The following PIEZO1 variants were observed in gnomAD, a reference collection of about 807,000 sequenced individuals.
The protein encoded by PIEZO1 is piezo-type mechanosensitive ion channel component 1.
A neutral mutation model predicts 297.2 loss-of-function variants in PIEZO1; 296 were observed. The observed-to-expected ratio is 1.00, with a 90% CI of 0.91 to 1.10. The LOEUF (loss-of-function observed/expected upper bound fraction) is 1.10, where lower values mean the gene tolerates loss of function less well. Ranked by LOEUF, PIEZO1 falls within the 50% of genes least tolerant of loss-of-function variation. PIEZO1 has a pLI of 0.00. For synonymous variants in PIEZO1, 2,427 were observed against 1,507.5 expected, an observed-to-expected ratio of 1.61 and a Z score of -14.13; for missense variants, 5,018 against 3,455.5, an observed-to-expected ratio of 1.45 and a Z score of -11.34.
rs538983076 is a variant in PIEZO1, at chr16:88,716,290, G to T, written c.7050-13C>A. ...ATTAGGGATGACCCTGCAGGGAGGTGCTGGCAGGTCAGGCCTGGCCCAGCC... is the reference window on the plus strand; with the variant it reads ...ATTAGGGATGACCCTGCAGGGAGGTTCTGGCAGGTCAGGCCTGGCCCAGCC... On this transcript the variant is annotated splice_polypyrimidine_tract_variant and intron_variant, in intron 48 of 50. Coordinates refer to ENST00000301015, the MANE Select transcript of PIEZO1 (RefSeq NM_001142864.4). 2 of 1,489,164 alleles carry T rather than the reference G, an allele frequency of 1.3e-6. No individual in the cohort carries two copies. Among genetic ancestry groups the T allele is most frequent in the African/African-American group, 2.8e-5 (2 of 71,674 alleles). The allele number at this position is 1,489,164 out of a possible 1,614,324, so 92.2% of individuals were successfully genotyped here.
chr16:88,764,017 C>T (rs534947629), intron 1 of PIEZO1, among the ~76,000 whole-genome samples: 31 of 152,180 alleles, frequency 2.0e-4, no homozygotes, highest in African/African-American at 7.2e-4. Context: ...CTCCTGGGGG[C>T]CAAAGTGCAC....
At position 88,725,426 on chromosome 16, in the gene PIEZO1, G is replaced by A. The variant is rs1179185028; in HGVS notation, c.4152C>T (p.Gly1384=). ...PQDTLGPKDP[G]LEPGPDSPGG... is the part of the protein sequence containing the mutation. ...TCCAGCTGCACTCACCTGGCTCCAG[G>A]CCGGGGTCCTTGGGGCCCAGGGTGT... The change falls in exon 29 of 51, where the codon GGC becomes GGT. Residue 1384 remains glycine, a synonymous_variant. Transcript: ENST00000301015. 2.1e-6 allele frequency: 3 copies of A among 1,459,828 alleles called. No homozygotes were observed. Among genetic ancestry groups the A allele is most frequent in the South Asian group, 1.4e-5 (1 of 70,442 alleles). The allele number at this position is 1,459,828 out of a possible 1,614,324, so 90.4% of individuals were successfully genotyped here.
rs931735080 is a variant in PIEZO1, at chr16:88,741,268, G to C, written c.465+210C>G. 5.8e-6 allele frequency: 3 copies of C among 521,380 alleles called. No individual in the cohort carries two copies. The Admixed American group carries it at 1.0e-4, about 18-fold the overall frequency. 32.3% of individuals were successfully genotyped at this position (521,380 alleles called of 1,614,324 possible). On this transcript the variant is annotated intron_variant, in intron 5 of 50. Transcript: ENST00000301015. Reference sequence around the variant, plus strand: ...GTCGGGGCGTGGAGGTTTCTGACTAGAGGCAGAGCCCGAGTAGAAACAGGT... The same window carrying C: ...GTCGGGGCGTGGAGGTTTCTGACTACAGGCAGAGCCCGAGTAGAAACAGGT...
chr16:88,762,613 CCAAGG>C (rs1456364636), intron 1 of PIEZO1, among the ~76,000 whole-genome samples: 1 of 152,202 alleles, frequency 6.6e-6, no homozygotes, highest in Non-Finnish European at 1.5e-5. Flanking sequence ...CCCGTGGCAG[CCAAGG>C]CAAGGAAGGG....
intron 19 of PIEZO1, 176 bp from the exon 20 acceptor site, chr16:88,732,908 A>C (rs975110952): frequency 3.1e-6 from 2 of 649,054 alleles, no homozygotes; most frequent in Non-Finnish European, 5.3e-6. Flanking sequence ...TTTGAGAAAC[A>C]GGGAGACCAC....
At position 88,737,997 on chromosome 16, in the gene PIEZO1, G is replaced by C. The variant is rs757226546; in HGVS notation, c.957C>G (p.Leu319=). The part of the protein sequence containing the change: ...DWPVYASPGV[L]LLLCYATASL... ...AGGCCGTGGCGTAGCACAGCAGCAG[G>C]AGGACGCCGGGGCTGGCATACACAG... The change falls in exon 8 of 51, where the codon CTC becomes CTG. Residue 319 remains leucine (L), a synonymous_variant. Transcript: ENST00000301015. The C allele has an allele frequency of 6.5e-7, 1 of 1,535,388 alleles. No homozygotes were observed. Among genetic ancestry groups the C allele is most frequent in the South Asian group, 1.2e-5 (1 of 84,020 alleles).
intron 3 of PIEZO1, 96 bp from the exon 4 acceptor site, chr16:88,742,191 A>G: frequency 1.3e-6 from 2 of 1,505,990 alleles, no homozygotes; most frequent in South Asian, 2.5e-5. Context: ...CATCCAGGCC[A>G]GACATAAATC....
intron 1 of PIEZO1, among the ~76,000 whole-genome samples, chr16:88,756,464 G>C (rs1230709883): frequency 6.6e-6 from 1 of 152,220 alleles, no homozygotes; most frequent in African/African-American, 2.4e-5. Flanking sequence ...TACAAAACTG[G>C]TGGCTGGGGC....
chr16:88,757,959 G>T (rs570398086), intron 1 of PIEZO1, among the ~76,000 whole-genome samples: 159 of 152,280 alleles, frequency 1.0e-3, no homozygotes, highest in African/African-American at 3.7e-3. Flanking sequence ...CCACAGAAAG[G>T]CCTGGCTGGA....
rs1912466207 is a variant in PIEZO1, at chr16:88,721,679, C to A, written c.5262G>T (p.Trp1754Cys). The A allele has an allele frequency of 6.5e-7, 1 of 1,549,716 alleles. No individual in the cohort carries two copies. Among genetic ancestry groups the A allele is most frequent in the South Asian group, 1.2e-5 (1 of 84,042 alleles). Residue 1754 changes from tryptophan (W) to cysteine (C), a missense_variant, in exon 38 of 51, where the codon TGG (tryptophan) becomes TGT (cysteine). Physicochemically the swap from Trp to Cys is radical, Grantham distance 215 (BLOSUM62 -2). Coordinates refer to ENST00000301015, the MANE Select transcript of PIEZO1 (RefSeq NM_001142864.4). The part of the protein sequence containing the change: ...KYLFQFGFFP[W>C]NSHVVLRRYE... ...AGCGCCGCAGCACCACGTGGCTGTT[C>A]CAGGGGAAGAACCCAAACTGGAACA...
At chr16:88,784,139 C>A (rs910958287) in intron 1 of PIEZO1, among the ~76,000 whole-genome samples, 1 of 152,222 alleles carries the variant, frequency 6.6e-6, no homozygotes, top group Admixed American at 6.5e-5. Flanking sequence ...GAAAGGGGCA[C>A]CACTGCCCGG....
At position 88,749,398 on chromosome 16, in the gene PIEZO1, C is replaced by G; in HGVS notation, c.146G>C (p.Arg49Pro). 1 of 1,510,220 alleles carries G rather than the reference C, an allele frequency of 6.6e-7. No individual in the cohort carries two copies. Among genetic ancestry groups the G allele is most frequent in the Non-Finnish European group, 8.8e-7 (1 of 1,136,676 alleles). 93.6% of individuals were successfully genotyped at this position (1,510,220 alleles called of 1,614,324 possible). ...LLLPWFPGPTRCGLQGHTGRL... is the reference protein window; with the variant it reads ...LLLPWFPGPTPCGLQGHTGRL... ...CCTGGCCTTACCTTGGAGGCCGCAT[C>G]GGGTGGGGCCGGGGAACCAGGGCAG... Residue 49 changes from arginine (R) to proline (P), a missense_variant, in exon 2 of 51, where the codon CGA (arginine) becomes CCA (proline). Arg to Pro is a moderately radical substitution (Grantham distance 103). Transcript: ENST00000301015.
At chr16:88,765,398 C>T (rs560623720) in intron 1 of PIEZO1, among the ~76,000 whole-genome samples, 14 of 152,102 alleles carry the variant, frequency 9.2e-5, no homozygotes, top group Non-Finnish European at 1.0e-4. Flanking sequence ...CCAGGATGGT[C>T]GTACATCATG....
At chr16:88,734,083 C>T (rs896140647) in intron 16 of PIEZO1, 29 bp from the exon 17 acceptor site, 15 of 1,481,548 alleles carry the variant, frequency 1.0e-5, no homozygotes, top group East Asian at 5.0e-5. Flanking sequence ...ATGTCATCTC[C>T]CAACTGGGTT....
intron 27 of PIEZO1, 133 bp from the exon 28 acceptor site, chr16:88,725,817 G>C: frequency 1.6e-6 from 1 of 628,714 alleles, no homozygotes; most frequent in South Asian, 1.9e-5. Flanking sequence ...AGGCACCCAC[G>C]GGGGAGGCAT....
intron 44 of PIEZO1, chr16:88,717,603 A>C (rs1403838737): frequency 2.1e-6 from 1 of 465,424 alleles, no homozygotes; most frequent in East Asian, 6.7e-5. Flanking sequence ...AAAACGGGCA[A>C]ATCTTCATGA....
At position 88,723,958 on chromosome 16, in the gene PIEZO1, C is replaced by G. The variant is rs555715023; in HGVS notation, c.4248G>C (p.Gly1416=). ...WLDHATVIHS[G]DYFLFESDSE... ...TGTCGGACTCAAACAGGAAGTAGTC[C>G]CCGGAGTGGATGACTGTGGGCAGGC... Residue 1416 remains glycine, a synonymous_variant, in exon 31 of 51, where the codon GGG becomes GGC. Transcript: ENST00000301015. 6.5e-7 allele frequency: 1 copy of G among 1,546,826 alleles called. No individual in the cohort carries two copies. Among genetic ancestry groups the G allele is most frequent in the East Asian group, 2.4e-5 (1 of 40,906 alleles).
At position 88,757,327 on chromosome 16, in the gene PIEZO1, TGG is replaced by T. The variant is rs200851830; in HGVS notation, c.65-7850_65-7849del. ...GCAGGGGGCGTTGCTGGCGGGGGGG[TGG>T]GGGGTAGTTACCTAACCTGCCTGCT... On this transcript the variant is annotated intron_variant, in intron 1 of 50. Coordinates refer to ENST00000301015, the MANE Select transcript of PIEZO1 (RefSeq NM_001142864.4). 1.2e-4 allele frequency among the ~76,000 whole-genome samples: 5 copies of T among 42,700 alleles called. 1 individual carries two copies. The highest frequency in any genetic ancestry group is 1.6e-4 in the Non-Finnish European group (3 of 19,224). The allele number at this position is 42,700 out of a possible 152,430, so 28.0% of individuals were successfully genotyped here. A position where few individuals can be genotyped will look rare whatever the true frequency, so the allele number is the denominator to read the frequency against.
In PIEZO1 at chr16:88,734,880, A is replaced by G. The variant is rs1437715185; in HGVS notation, c.1843T>C (p.Phe615Leu). ...MFLFLLCLTL[F>L]QVYYSLWRKL... is the part of the protein sequence containing the mutation. ...CATCCCGGCCCCCCAGCCACCTGGA[A>G]GAGGGTGAGGCAGAGCAGGAAGAGG... is the stretch of plus-strand genomic sequence containing the variant. The change falls in exon 14 of 51, where the codon TTC becomes CTC. Residue 615 changes from phenylalanine to leucine, a missense_variant. Physicochemically the swap from Phe to Leu is conservative, Grantham distance 22 (BLOSUM62 0). Coordinates refer to ENST00000301015, the MANE Select transcript of PIEZO1 (RefSeq NM_001142864.4). 6.5e-7 allele frequency: 1 copy of G among 1,550,342 alleles called. No individual in the cohort carries two copies. Among genetic ancestry groups the G allele is most frequent in the South Asian group, 1.2e-5 (1 of 84,066 alleles).
Sources: allele counts gnomAD v4.1 joint callset (sites outside exome capture counted in the v4.1 genomes callset), GRCh38; gene constraint gnomAD v4.1.1; transcripts MANE v1.5; gene names NCBI Gene and HGNC (gene_info 2026-07-23, HGNC 2026-07-21).